The following RTN4 variants were observed in gnomAD, a reference collection of about 807,000 sequenced individuals.
RTN4 encodes the protein reticulon-4.
In RTN4, 32 loss-of-function variants were observed where a neutral mutation model predicts 90.4. The observed-to-expected ratio is 0.35, with a 90% CI of 0.27 to 0.48. The LOEUF (loss-of-function observed/expected upper bound fraction) is 0.48. Among genes scored for constraint, RTN4 ranks in the 20% least tolerant of loss-of-function variants. The pLI, the probability that RTN4 is intolerant of heterozygous loss-of-function variation, is 0.99. For synonymous variants in RTN4, 629 were observed against 552.5 expected (o/e 1.14, Z -1.94); for missense variants, 1,706 against 1,430.2 (o/e 1.19, Z -3.11).
chr2:55,002,839 T>C (rs897593049), intron 3 of RTN4, among the ~76,000 whole-genome samples: 2 of 152,212 alleles, frequency 1.3e-5, no homozygotes, highest in Admixed American at 6.5e-5. Context: ...CAAGTCTGTA[T>C]TTCTGATACA....
At chr2:55,006,562 T>C (rs2104771325) in intron 3 of RTN4, among the ~76,000 whole-genome samples, 1 of 152,252 alleles carries the variant, frequency 6.6e-6, no homozygotes, top group Non-Finnish European at 1.5e-5. Context: ...CAAAACTAGT[T>C]TGTCTTGAGA....
At chr2:55,071,022 C>T (rs1054611924) in intron 2 of RTN4, among the ~76,000 whole-genome samples, 312 of 150,436 alleles carry the variant, frequency 2.1e-3, no homozygotes, top group Non-Finnish European at 3.6e-3. Context: ...GTGATCTTCC[C>T]ACCTCGGCCT....
Position 54,987,541 on chromosome 2 carries a change from G to A in RTN4, c.3171C>T (p.Tyr1057=). 1 of 1,614,094 alleles carries A rather than the reference G, an allele frequency of 6.2e-7. No homozygotes were observed. The highest frequency in any genetic ancestry group is 8.5e-7 in the Non-Finnish European group (1 of 1,180,010). Residue 1057 remains tyrosine, a synonymous_variant, in exon 4 of 9, where the codon TAC becomes TAT. Coordinates refer to ENST00000337526, the MANE Select transcript of RTN4 (RefSeq NM_020532.5). ...LLSVTISFRI[Y]KGVIQAIQKS... ...TCTGGATAGCTTGGATCACACCCTTGTATATCCTAAAGCTGATGGTCACAG... is the reference window on the plus strand; with the variant it reads ...TCTGGATAGCTTGGATCACACCCTTATATATCCTAAAGCTGATGGTCACAG...
At chr2:55,122,716 G>C in the RTN4 span, among the ~76,000 whole-genome samples, 1 of 152,172 alleles carries the variant, frequency 6.6e-6, no homozygotes, top group Non-Finnish European at 1.5e-5. Context: ...AGCAGAAGCT[G>C]AGGTGGCAAT....
rs549517990 is a variant in RTN4, at chr2:55,106,606, G to C, written c.-214+5914C>G. Among the ~76,000 whole-genome samples, 55 of 152,062 alleles carry C rather than the reference G, an allele frequency of 3.6e-4. 1 individual carries two copies. The highest frequency in any genetic ancestry group is 1.2e-3 in the African/African-American group (48 of 41,414). Reference sequence around the variant, plus strand: ...GTGATCTCGGCTCACTGCAACCTCTGCTTCCTGGGTTCAAGTGATTCTCCT... The same window carrying C: ...GTGATCTCGGCTCACTGCAACCTCTCCTTCCTGGGTTCAAGTGATTCTCCT... On this transcript the variant is annotated intron_variant, in intron 1 of 3. Coordinates refer to the RTN4 transcript ENST00000427710.
intron 1 of RTN4, among the ~76,000 whole-genome samples, chr2:55,034,858 G>A (rs1408633198): frequency 6.6e-6 from 1 of 151,984 alleles, no homozygotes; most frequent in South Asian, 2.1e-4. Flanking sequence ...AAAGCACAAA[G>A]GATGAAAATA....
chr2:55,057,602 ACT>A (rs2104998505), intron 2 of RTN4, among the ~76,000 whole-genome samples: 1 of 152,272 alleles, frequency 6.6e-6, no homozygotes, highest in East Asian at 1.9e-4. Context: ...TTGATAAGTC[ACT>A]CTATTTTTGA....
Position 55,026,932 on chromosome 2 carries a change from T to A in RTN4, c.1167A>T (p.Pro389=). ...PMREEYADFK[P]FERVWEVKDS... ...CTTTCACTTCCCATACTCGCTCAAA[T>A]GGTTTGAAGTCTGCATATTCCTCCC... The change falls in exon 3 of 9, where the codon CCA becomes CCT. Residue 389 remains proline (P), a synonymous_variant. Coordinates refer to ENST00000337526, the MANE Select transcript of RTN4 (RefSeq NM_020532.5). 1 of 1,613,684 alleles carries A rather than the reference T, an allele frequency of 6.2e-7. No individual in the cohort carries two copies. The highest frequency in any genetic ancestry group is 8.5e-7 in the Non-Finnish European group (1 of 1,179,890).
chr2:55,050,085 A>G lies in RTN4; in HGVS notation c.216T>C (p.Pro72=). The stretch of plus-strand genomic sequence containing the variant: ...AGTCCATCAGGGGCGCGCCGGCGGC[A>G]GGGGCGGTGGGCACTGGGGCCGCGG... ...GLSAAPVPTA[P]AAGAPLMDFG... is the part of the protein sequence containing the mutation. Residue 72 remains proline, a synonymous_variant, in exon 1 of 9, where the codon CCT becomes CCC. Transcript: ENST00000337526. The surrounding 1 kb of genome is among the most constrained non-coding windows in gnomAD (Gnocchi z 4.6). The G allele has an allele frequency of 6.8e-7, 1 of 1,461,602 alleles. No homozygotes were observed. The highest frequency in any genetic ancestry group is 9.0e-7 in the Non-Finnish European group (1 of 1,112,384). The allele number at this position is 1,461,602 out of a possible 1,614,324, so 90.5% of individuals were successfully genotyped here.
In RTN4 at chr2:55,049,825, C is replaced by T; in HGVS notation, c.476G>A (p.Trp159Ter). The change falls in exon 1 of 9, where the codon TGG (tryptophan) becomes TAG (stop). Residue 159 changes from tryptophan to a stop codon, truncating the protein, a stop_gained. Coordinates refer to ENST00000337526, the MANE Select transcript of RTN4 (RefSeq NM_020532.5). LOFTEE classifies it high-confidence loss of function. ...ASVSPQAEPVWTPPAPAPAAP... is the reference protein window; with the variant it reads ...ASVSPQAEPV ...GGCGGGAGCCGGGGCTGGCGGGGTC[C>T]ACACGGGCTCTGCCTGGGGGCTCAC... 2 of 1,303,476 alleles carry T rather than the reference C, an allele frequency of 1.5e-6. No homozygotes were observed. The highest frequency in any genetic ancestry group is 1.9e-6 in the Non-Finnish European group (2 of 1,027,222). The allele number at this position is 1,303,476 out of a possible 1,614,324, so 80.7% of individuals were successfully genotyped here. A position where few individuals can be genotyped will look rare whatever the true frequency, so the allele number is the denominator to read the frequency against.
At chr2:54,991,141 T>C (rs1437159683) in intron 3 of RTN4, among the ~76,000 whole-genome samples, 1 of 152,124 alleles carries the variant, frequency 6.6e-6, no homozygotes, top group African/African-American at 2.4e-5. Flanking sequence ...CTCAAACTGC[T>C]CAGAAACATT....
At chr2:54,990,973 G>A (rs969116018) in intron 3 of RTN4, among the ~76,000 whole-genome samples, 1 of 151,822 alleles carries the variant, frequency 6.6e-6, no homozygotes, top group Admixed American at 6.6e-5. Flanking sequence ...TAGTAGAGAC[G>A]GGGTTTCACC....
At chr2:55,006,791 G>A (rs1454726006) in intron 3 of RTN4, among the ~76,000 whole-genome samples, 3 of 151,998 alleles carry the variant, frequency 2.0e-5, no homozygotes, top group Non-Finnish European at 4.4e-5. Flanking sequence ...ATTCCTTCTT[G>A]AAAATTCTTT....
chr2:55,041,864 G>T (rs1307069024), intron 1 of RTN4, among the ~76,000 whole-genome samples: 1 of 151,784 alleles, frequency 6.6e-6, no homozygotes, highest in African/African-American at 2.4e-5. Context: ...AGTCATAAAA[G>T]AAAATGATAA....
chr2:55,108,474 G>C (rs1667982786), intron 1 of RTN4, among the ~76,000 whole-genome samples: 1 of 152,034 alleles, frequency 6.6e-6, no homozygotes, highest in South Asian at 2.1e-4. Flanking sequence ...TGATAATATT[G>C]AGAACTGAGG....
intron 5 of RTN4, among the ~76,000 whole-genome samples, chr2:54,980,249 TATTCG>T (rs1558758376): frequency 6.6e-6 from 1 of 152,204 alleles, no homozygotes; most frequent in Non-Finnish European, 1.5e-5. Context: ...AAAGTCCTCA[TATTCG>T]ATTCTCAAAT....
chr2:55,025,206 C>G lies in RTN4; in HGVS notation c.2893G>C (p.Glu965Gln). The stretch of plus-strand genomic sequence containing the variant: ...AGAACTTTGGGTTTAACTATGCTCT[C>G]TATCTCTGCTTGAGTGGCCAAAGCA... ...VSALATQAEI[E>Q]SIVKPKVLVK... The change falls in exon 3 of 9, where the codon GAG becomes CAG. Residue 965 changes from glutamate to glutamine, a missense_variant. By Grantham distance (29) the Glu-to-Gln change is conservative. Transcript: ENST00000337526. 1 of 1,613,850 alleles carries G rather than the reference C, an allele frequency of 6.2e-7. No individual in the cohort carries two copies. The highest frequency in any genetic ancestry group is 1.1e-5 in the South Asian group (1 of 91,072).
chr2:55,021,550 T>G (rs946537535), intron 3 of RTN4, among the ~76,000 whole-genome samples: 3 of 151,924 alleles, frequency 2.0e-5, no homozygotes, highest in Non-Finnish European at 4.4e-5. Flanking sequence ...CTCGAACTCC[T>G]GGGCTCAAGC....
chr2:55,054,763 A>G (rs1668159967), upstream of RTN4, among the ~76,000 whole-genome samples: 1 of 152,158 alleles, frequency 6.6e-6, no homozygotes, highest in African/African-American at 2.4e-5. Flanking sequence ...ACTGAATGAC[A>G]TCTGACCTTT....
Sources: allele counts gnomAD v4.1 joint callset (sites outside exome capture counted in the v4.1 genomes callset), GRCh38; gene constraint gnomAD v4.1.1; non-coding constraint Gnocchi (gnomAD v3.1); transcripts MANE v1.5; gene names NCBI Gene and HGNC (gene_info 2026-07-23, HGNC 2026-07-21).